MEGF11: variants seen among roughly 807,000 people sequenced by gnomAD.
MEGF11 encodes multiple epidermal growth factor-like domains protein 11.
A neutral mutation model predicts 146.6 loss-of-function variants in MEGF11; 126 were observed. The observed-to-expected ratio is 0.86, with a 90% CI of 0.74 to 1.00. MEGF11 has a LOEUF of 1.00. MEGF11 is among the 50% of genes least tolerant of loss of function. MEGF11 has a pLI of 0.00. For missense variants in MEGF11, 1,509 were observed against 1,521.2 expected, an observed-to-expected ratio of 0.99 and a Z score of 0.13; for synonymous variants, 532 against 583.4, an observed-to-expected ratio of 0.91 and a Z score of 1.27.
chr15:66,253,214 G>T (rs2092400705), intron 1 of MEGF11, among the ~76,000 whole-genome samples: 1 of 152,150 alleles, frequency 6.6e-6, no homozygotes, highest in South Asian at 2.1e-4. Context: ...CTTGAGAGCG[G>T]AGTCCCCAGA....
chr15:65,905,992 G>C, intron 24 of MEGF11, 93 bp downstream of exon 24: 1 of 1,093,608 alleles, frequency 9.1e-7, no homozygotes, highest in Non-Finnish European at 1.4e-6. Context: ...GGCACACACA[G>C]TTTGTCTCAA....
At chr15:66,079,148 G>C (rs2085724278) in intron 5 of MEGF11, among the ~76,000 whole-genome samples, 1 of 152,192 alleles carries the variant, frequency 6.6e-6, no homozygotes, top group Non-Finnish European at 1.5e-5. Context: ...AGAATGGGGA[G>C]AGCAGTGGCC....
intron 1 of MEGF11, 105 bp from the exon 2 acceptor site, chr15:66,128,516 G>T: frequency 1.7e-6 from 1 of 574,934 alleles, no homozygotes; most frequent in Non-Finnish European, 2.8e-6. Flanking sequence ...ATTTCACATT[G>T]CAGGCTTTGA....
chr15:66,004,833 A>G (rs961409361), intron 5 of MEGF11, among the ~76,000 whole-genome samples: 1 of 152,192 alleles, frequency 6.6e-6, no homozygotes, highest in African/African-American at 2.4e-5. Context: ...TCTGCAGGCA[A>G]TGGGACCCGG....
chr15:66,099,452 C>T (rs568507531), intron 4 of MEGF11, among the ~76,000 whole-genome samples: 3 of 152,182 alleles, frequency 2.0e-5, no homozygotes, highest in Admixed American at 1.3e-4. Context: ...CCCAAAGTGC[C>T]GGGATTATAG....
chr15:66,051,845 G>A (rs990837158), intron 5 of MEGF11, among the ~76,000 whole-genome samples: 2 of 152,190 alleles, frequency 1.3e-5, no homozygotes, highest in Admixed American at 6.5e-5. Flanking sequence ...CAGAGAAAGC[G>A]AGTGCTGTGC....
chr15:66,094,603 G>A, intron 4 of MEGF11, 109 bp from the exon 5 acceptor site: 3 of 880,684 alleles, frequency 3.4e-6, no homozygotes, highest in Non-Finnish European at 5.3e-6. Flanking sequence ...GCCCAGGGAT[G>A]CTTAGAACGC....
intron 1 of MEGF11, among the ~76,000 whole-genome samples, chr15:66,189,964 G>T (rs1198527519): frequency 6.6e-6 from 1 of 152,166 alleles, no homozygotes; most frequent in Non-Finnish European, 1.5e-5. Context: ...CTGGGTGATG[G>T]AGCTAGACCT....
Position 65,930,834 on chromosome 15 carries a change from G to A in MEGF11, c.1397C>T (p.Thr466Ile), listed in dbSNP as rs1244462451. ...GTCSPVDGSCTCKEGWQGLDC... is the reference protein window; with the variant it reads ...GTCSPVDGSCICKEGWQGLDC... ...AGAGGGCACATTACCTTCCTTGCAG[G>A]TACAGGAGCCATCTACTGGGGAGCA... Residue 466 changes from threonine (T) to isoleucine (I), a missense_variant, in exon 11 of 26, where the codon ACC becomes ATC. Physicochemically the swap from Thr to Ile is moderately conservative, Grantham distance 89 (BLOSUM62 -1). Transcript: ENST00000395614. The A allele has an allele frequency of 2.4e-5, 38 of 1,609,796 alleles. No individual in the cohort carries two copies. The highest frequency in any genetic ancestry group is 2.9e-5 in the Non-Finnish European group (34 of 1,177,858).
rs146467226 is a variant in MEGF11, at chr15:66,124,538, G to A, written c.99-538C>T. On this transcript the variant is annotated intron_variant, in intron 2 of 25. Coordinates refer to ENST00000395614, the MANE Select transcript of MEGF11 (RefSeq NM_001385028.1). ...CACCCTGTGTCAAGTGTTTCAATACGTTTCATTCCTCACAATCTTAGGCAG... is the reference window on the plus strand; with the variant it reads ...CACCCTGTGTCAAGTGTTTCAATACATTTCATTCCTCACAATCTTAGGCAG... 1.8e-3 allele frequency among the ~76,000 whole-genome samples: 273 copies of A among 152,284 alleles called. 1 individual carries two copies. Among genetic ancestry groups the A allele is most frequent in the African/African-American group, 6.1e-3 (254 of 41,556 alleles).
chr15:66,018,423 A>G (rs560340714), intron 5 of MEGF11, among the ~76,000 whole-genome samples: 1 of 152,308 alleles, frequency 6.6e-6, no homozygotes, highest in Admixed American at 6.5e-5. Context: ...GAGTGGGGCT[A>G]CAGGCAGCAC....
intron 1 of MEGF11, among the ~76,000 whole-genome samples, chr15:66,225,116 A>G (rs2091823936): frequency 6.6e-6 from 1 of 152,208 alleles, no homozygotes; most frequent in South Asian, 2.1e-4. Context: ...AGCCAGCCAG[A>G]AGGGCCCGGC....
intron 5 of MEGF11, among the ~76,000 whole-genome samples, chr15:66,060,296 G>A (rs934505158): frequency 2.0e-5 from 3 of 152,234 alleles, no homozygotes; most frequent in African/African-American, 4.8e-5. Flanking sequence ...GATGGAGCAA[G>A]CACCAAAGCC....
chr15:66,225,471 C>T (rs2140178660), intron 1 of MEGF11, among the ~76,000 whole-genome samples: 1 of 152,324 alleles, frequency 6.6e-6, no homozygotes, highest in East Asian at 1.9e-4. Flanking sequence ...GTGCCACCCT[C>T]TACCTTACCA....
chr15:66,105,134 G>A (rs746523104), intron 4 of MEGF11, among the ~76,000 whole-genome samples: 9 of 151,908 alleles, frequency 5.9e-5, no homozygotes, highest in African/African-American at 9.7e-5. Context: ...ATTAAAAAAC[G>A]GGGAGCAAAG....
intron 1 of MEGF11, among the ~76,000 whole-genome samples, chr15:66,141,970 G>T (rs1458503882): frequency 6.6e-6 from 1 of 152,118 alleles, no homozygotes; most frequent in Non-Finnish European, 1.5e-5. Context: ...TGGGTCGGTG[G>T]GGGGATCGGC....
chr15:65,996,314 C>T (rs1036579604), intron 5 of MEGF11, among the ~76,000 whole-genome samples: 19 of 152,188 alleles, frequency 1.2e-4, no homozygotes, highest in African/African-American at 4.6e-4. Context: ...CCTCTGCTCA[C>T]AGCTGCCATT....
intron 1 of MEGF11, among the ~76,000 whole-genome samples, chr15:66,202,741 G>A (rs2091197452): frequency 6.6e-6 from 1 of 152,194 alleles, no homozygotes; most frequent in Admixed American, 6.5e-5. Context: ...TTTCTTTCAG[G>A]ACTGCCAGTC....
rs1273034395 is a variant in MEGF11, at chr15:66,017,413, AACTG to A, written c.395-34929_395-34926del. On this transcript the variant is annotated intron_variant, in intron 5 of 25. Transcript: ENST00000395614. ...ACGGTGCCCACTTTTCAGAAGGAAA[AACTG>A]ACTGAGCGCCAGATGACTTACTCAA... Among the ~76,000 whole-genome samples, 6 of 152,292 alleles carry A rather than the reference AACTG, an allele frequency of 3.9e-5. No homozygotes were observed. In the East Asian group the frequency reaches 1.2e-3, roughly 29 times the overall value.
Sources: allele counts gnomAD v4.1 joint callset (sites outside exome capture counted in the v4.1 genomes callset), GRCh38; gene constraint gnomAD v4.1.1; transcripts MANE v1.5; gene names NCBI Gene and HGNC (gene_info 2026-07-23, HGNC 2026-07-21).